RIMS2: variants seen among roughly 807,000 people sequenced by gnomAD.
RIMS2 encodes the protein regulating synaptic membrane exocytosis 2, also known as regulating synaptic membrane exocytosis protein 2.
RIMS2 carries 59 observed loss-of-function variants against 174.4 expected under a neutral mutation model. The ratio of observed to expected loss-of-function variants is 0.34; its 90% CI spans 0.27 to 0.42. RIMS2 has a LOEUF of 0.42. Among genes scored for constraint, RIMS2 ranks in the 10% least tolerant of loss-of-function variants. The probability of loss-of-function intolerance (pLI) is 1.00; values close to 1 mark genes in which losing one functional copy is unlikely to be tolerated. For missense variants in RIMS2, 1,620 were observed against 1,666.3 expected (o/e 0.97, Z 0.48); for synonymous variants, 606 against 572.5 (o/e 1.06, Z -0.84).
intron 2 of RIMS2, 78 bp from the exon 6 acceptor site, chr8:103,766,149 G>T (rs1452449720): frequency 2.0e-6 from 2 of 978,752 alleles, no homozygotes; most frequent in African/African-American, 3.3e-5. Context: ...TTTTTTGTTT[G>T]CTTGAATTTT....
intron 3 of RIMS2, among the ~76,000 whole-genome samples, chr8:103,854,436 A>G (rs978625283): frequency 1.3e-5 from 2 of 151,994 alleles, no homozygotes; most frequent in Admixed American, 1.3e-4. Flanking sequence ...GTCTTGTTCC[A>G]TTTCTCAAGG....
chr8:103,860,542 T>G (rs1038872848), intron 3 of RIMS2, among the ~76,000 whole-genome samples: 1 of 152,082 alleles, frequency 6.6e-6, no homozygotes, highest in Non-Finnish European at 1.5e-5. Flanking sequence ...TTAAATGAGA[T>G]AGTGCAGTAA....
At chr8:103,709,681 C>G (rs1170571408) in intron 2 of RIMS2, among the ~76,000 whole-genome samples, 1 of 150,354 alleles carries the variant, frequency 6.7e-6, no homozygotes, top group Non-Finnish European at 1.5e-5. Context: ...CTTTTTTTTT[C>G]TTTAACCCCA....
At chr8:103,620,934 G>A (rs187797972) in intron 1 of RIMS2, among the ~76,000 whole-genome samples, 1 of 152,218 alleles carries the variant, frequency 6.6e-6, no homozygotes, top group African/African-American at 2.4e-5. Flanking sequence ...ATGTGGGAAG[G>A]AAAATTTCAC....
chr8:103,544,761 G>A (rs749060489), intron 1 of RIMS2, among the ~76,000 whole-genome samples: 2 of 152,222 alleles, frequency 1.3e-5, no homozygotes, highest in Non-Finnish European at 2.9e-5. Flanking sequence ...ATACAGGCAT[G>A]GAGACAGTAA....
intron 19 of RIMS2, among the ~76,000 whole-genome samples, chr8:104,071,581 C>T (rs1381947052): frequency 6.6e-6 from 1 of 152,106 alleles, no homozygotes; most frequent in African/African-American, 2.4e-5. Flanking sequence ...ACTACAGGCA[C>T]GCGCCACCAT....
intron 1 of RIMS2, among the ~76,000 whole-genome samples, chr8:103,616,263 A>G (rs911504285): frequency 6.6e-6 from 1 of 152,236 alleles, no homozygotes; most frequent in Admixed American, 6.5e-5. Context: ...ACTGAAGACA[A>G]AAAAACACAT....
chr8:103,908,406 A>G (rs972888863), intron 4 of RIMS2, among the ~76,000 whole-genome samples: 2 of 152,320 alleles, frequency 1.3e-5, no homozygotes, highest in Admixed American at 6.5e-5. Context: ...TTCAAATAAT[A>G]TATCAAAAAT....
rs1289065334 is a variant in RIMS2, at chr8:103,784,537, A to T, written c.698+18000A>T. On this transcript the variant is annotated intron_variant, in intron 3 of 23. Coordinates refer to ENST00000504942, the Ensembl canonical transcript of RIMS2. Reference sequence around the variant, plus strand: ...TTATTAAATAGGGAATCCTTTCCCCATTGCTTGTTTTTGTCAGGTTTGTCA... The same window carrying T: ...TTATTAAATAGGGAATCCTTTCCCCTTTGCTTGTTTTTGTCAGGTTTGTCA... Among the ~76,000 whole-genome samples the T allele has an allele frequency of 6.7e-5, 5 of 74,152 alleles. No individual in the cohort carries two copies. In the East Asian group the frequency reaches 1.8e-3, roughly 27 times the overall value. The allele number at this position is 74,152 out of a possible 152,430, so 48.6% of individuals were successfully genotyped here.
intron 19 of RIMS2, among the ~76,000 whole-genome samples, chr8:104,196,811 T>C (rs1480147213): frequency 1.3e-5 from 2 of 152,202 alleles, no homozygotes; most frequent in East Asian, 3.8e-4. Flanking sequence ...AGTATAACTT[T>C]AAAGTTTTAA....
intron 1 of RIMS2, among the ~76,000 whole-genome samples, chr8:103,593,029 C>T (rs575093176): frequency 2.0e-5 from 3 of 151,384 alleles, no homozygotes; most frequent in Admixed American, 2.0e-4. Context: ...AAGTGCCAAA[C>T]TATTGTTATT....
At chr8:104,066,004 A>C (rs72683191) in intron 19 of RIMS2, among the ~76,000 whole-genome samples, 19,638 of 152,190 alleles carry the variant, frequency 0.13, 1,733 homozygotes, top group Non-Finnish European at 0.19. Flanking sequence ...CCATTTCTAA[A>C]GAGAAAGACA....
At chr8:103,737,757 T>C (rs1169470542) in intron 2 of RIMS2, among the ~76,000 whole-genome samples, 1 of 152,150 alleles carries the variant, frequency 6.6e-6, no homozygotes, top group Non-Finnish European at 1.5e-5. Context: ...CATATGTTGT[T>C]TCTTATACCT....
At chr8:103,789,036 A>T (rs190006632) in intron 3 of RIMS2, among the ~76,000 whole-genome samples, 162 of 152,330 alleles carry the variant, frequency 1.1e-3, no homozygotes, top group Non-Finnish European at 1.9e-3. Flanking sequence ...CCGATTTTCC[A>T]GGTGCCGTCC....
intron 3 of RIMS2, among the ~76,000 whole-genome samples, chr8:103,774,003 G>A (rs879934468): frequency 3.9e-5 from 6 of 152,080 alleles, no homozygotes; most frequent in African/African-American, 1.4e-4. Flanking sequence ...TTAGCTGGAC[G>A]CAGTGGCACA....
intron 1 of RIMS2, among the ~76,000 whole-genome samples, chr8:103,602,272 C>A (rs192724253): frequency 3.3e-5 from 5 of 152,206 alleles, no homozygotes; most frequent in Non-Finnish European, 5.9e-5. Flanking sequence ...CAGGCATGAG[C>A]CACCACGCCT....
chr8:103,584,518 ATAAC>A (rs2093796824), intron 1 of RIMS2, among the ~76,000 whole-genome samples: 1 of 152,200 alleles, frequency 6.6e-6, no homozygotes, highest in South Asian at 2.1e-4. Flanking sequence ...CACAATCAAA[ATAAC>A]TACAACATTT....
chr8:103,610,039 T>A (rs1316607006), intron 1 of RIMS2, among the ~76,000 whole-genome samples: 1 of 152,160 alleles, frequency 6.6e-6, no homozygotes, highest in Non-Finnish European at 1.5e-5. Context: ...ATTGTAGAGA[T>A]CTTTCACTTC....
intron 19 of RIMS2, among the ~76,000 whole-genome samples, chr8:104,107,967 G>GCC (rs11322161): frequency 0.036 from 5,111 of 140,886 alleles, 117 homozygotes; most frequent in African/African-American, 0.05. Flanking sequence ...TCTTTCCCCT[G>GCC]CCCCCCCCCC....
Sources: allele counts gnomAD v4.1 joint callset (sites outside exome capture counted in the v4.1 genomes callset), GRCh38; gene constraint gnomAD v4.1.1; transcripts MANE v1.5; gene names NCBI Gene and HGNC (gene_info 2026-07-23, HGNC 2026-07-21).